The following IGF2 variants were observed in gnomAD, a reference collection of about 807,000 sequenced individuals.
IGF2 encodes insulin like growth factor 2, also known as insulin-like growth factor 2.
Under a neutral mutation model 12.0 loss-of-function variants are expected in IGF2, and 2 were observed. That is an observed-to-expected ratio of 0.17 (90% CI 0.07 to 0.52). IGF2 has a LOEUF of 0.52. Ranked by LOEUF, IGF2 falls within the 20% of genes least tolerant of loss-of-function variation. The pLI is 0.95. For synonymous variants in IGF2, 105 were observed against 110.1 expected (o/e 0.95, Z 0.29); for missense variants, 211 against 268.0 (o/e 0.79, Z 1.48).
intron 1 of IGF2, 25 bp downstream of exon 1, chr11:2,138,204 G>A (rs1403058439): frequency 1.1e-5 from 11 of 983,948 alleles, no homozygotes; most frequent in East Asian, 1.1e-4. Context: ...CCCCGGCCCC[G>A]GCCCGGCCCG....
At chr11:2,149,137 T>A in the IGF2 span, 3 of 1,613,228 alleles carry the variant, frequency 1.9e-6, no homozygotes, top group African/African-American at 4.0e-5. Flanking sequence ...TGTACTCTAG[T>A]CCCTGCGCAG....
At chr11:2,145,754 G>A (rs1442527213), upstream of IGF2, among the ~76,000 whole-genome samples, 11 of 152,234 alleles carry the variant, frequency 7.2e-5, no homozygotes, top group East Asian at 1.9e-3. Context: ...TCCCTCGTGG[G>A]GCTGCCTGCT....
the IGF2 span, chr11:2,149,354 A>G: frequency 6.2e-7 from 1 of 1,607,784 alleles, no homozygotes; most frequent in Non-Finnish European, 8.5e-7. Flanking sequence ...GGCTGGAGAA[A>G]CGAAGGGCAC....
upstream of IGF2, chr11:2,140,213 C>G: frequency 1.9e-6 from 3 of 1,613,380 alleles, no homozygotes; most frequent in Non-Finnish European, 2.5e-6. Flanking sequence ...TAATGGTTAC[C>G]CCGTCCTCAG....
At chr11:2,148,742 CTT>C in the IGF2 span, 1 of 221,600 alleles carries the variant, frequency 4.5e-6, no homozygotes, top group East Asian at 1.1e-4. This position sits in a 1 kb window ranked among gnomAD's most constrained non-coding sequence, Gnocchi z 4.3. Flanking sequence ...CGGGAGGAAA[CTT>C]TTCACACAGA....
upstream of IGF2, among the ~76,000 whole-genome samples, chr11:2,143,031 C>T (rs1325049140): frequency 6.6e-6 from 1 of 152,172 alleles, no homozygotes; most frequent in Non-Finnish European, 1.5e-5. Flanking sequence ...AGCTTTGTGA[C>T]TCACACACCC....
chr11:2,136,465 C>G (rs1326151110), intron 1 of IGF2, among the ~76,000 whole-genome samples: 1 of 152,248 alleles, frequency 6.6e-6, no homozygotes, highest in Non-Finnish European at 1.5e-5. Flanking sequence ...GACACACCCC[C>G]TCCACAGGCT....
the IGF2 span, chr11:2,147,597 G>A: frequency 8.1e-7 from 1 of 1,234,772 alleles, no homozygotes; most frequent in Non-Finnish European, 1.0e-6. The surrounding 1 kb of genome is among the most constrained non-coding windows in gnomAD (Gnocchi z 7.2). Context: ...CTGAGGCTGG[G>A]GCTGGCTGCC....
chr11:2,145,735 T>C (rs1859883760), upstream of IGF2, among the ~76,000 whole-genome samples: 1 of 152,090 alleles, frequency 6.6e-6, no homozygotes, highest in Admixed American at 6.5e-5. Flanking sequence ...GGTGCACACA[T>C]GTTCCCCCTC....
rs1216615656 is a variant in IGF2, at chr11:2,130,529, G to T, written c.*2458C>A. 2 of 148,844 alleles carry T rather than the reference G, an allele frequency of 1.3e-5. No homozygotes were observed. Among genetic ancestry groups the T allele is most frequent in the African/African-American group, 5.7e-5 (1 of 17,698 alleles). 9.2% of individuals were successfully genotyped at this position (148,844 alleles called of 1,614,324 possible). A position where few individuals can be genotyped will look rare whatever the true frequency, so the allele number is the denominator to read the frequency against. ...TTTTGTCACTGCCCCCCTGTTACAT[G>T]GGGGGGGGGTTTAATTTGGTTTCTG... is the stretch of plus-strand genomic sequence containing the variant. On this transcript the variant is annotated 3_prime_UTR_variant, in exon 4 of 4. Coordinates refer to ENST00000416167, the MANE Select transcript of IGF2 (RefSeq NM_000612.6).
At chr11:2,144,088 A>ATTTTTT (rs5789244), upstream of IGF2, among the ~76,000 whole-genome samples, 1 of 150,568 alleles carries the variant, frequency 6.6e-6, no homozygotes, top group Non-Finnish European at 1.5e-5. Flanking sequence ...TTTTGCTTTT[A>ATTTTTT]TTTTTTTTTT....
At chr11:2,143,234 G>A (rs1430978556), upstream of IGF2, among the ~76,000 whole-genome samples, 4 of 151,986 alleles carry the variant, frequency 2.6e-5, no homozygotes, top group Non-Finnish European at 1.5e-5. Flanking sequence ...GCCCTGCTGA[G>A]TGTCATGAGG....
intron 2 of IGF2, 68 bp downstream of exon 2, chr11:2,135,299 G>T: frequency 7.2e-7 from 1 of 1,397,030 alleles, no homozygotes; most frequent in Admixed American, 2.5e-5. Context: ...CTGGCTTGAG[G>T]TTGGGCGTCC....
chr11:2,135,302 G>T, intron 2 of IGF2, 65 bp downstream of exon 2: 1 of 1,401,664 alleles, frequency 7.1e-7, no homozygotes, highest in Non-Finnish European at 9.6e-7. Context: ...GCTTGAGGTT[G>T]GGCGTCCTCA....
Position 2,131,236 on chromosome 11 carries a change from C to G in IGF2, c.*1751G>C. On this transcript the variant is annotated 3_prime_UTR_variant, in exon 4 of 4. Coordinates refer to ENST00000416167, the MANE Select transcript of IGF2 (RefSeq NM_000612.6). ...AATGCCGCCGGCCGCACACTCAGGC[C>G]GCACCATCTGAGCCCCCTCCTCTGA... The G allele has an allele frequency of 4.3e-6, 1 of 233,302 alleles. No homozygotes were observed. Among genetic ancestry groups the G allele is most frequent in the Non-Finnish European group, 8.5e-6 (1 of 118,064 alleles). 14.5% of individuals were successfully genotyped at this position (233,302 alleles called of 1,614,324 possible).
chr11:2,131,067 G>A lies in IGF2; in HGVS notation c.*1920C>T, dbSNP rs969206996. 5 of 232,408 alleles carry A rather than the reference G, an allele frequency of 2.2e-5. No homozygotes were observed. The highest frequency in any genetic ancestry group is 1.1e-4 in the African/African-American group (5 of 45,222). 14.4% of individuals were successfully genotyped at this position (232,408 alleles called of 1,614,324 possible). A position where few individuals can be genotyped will look rare whatever the true frequency, so the allele number is the denominator to read the frequency against. ...AAGTAAGGTGTATCGGGAATGGGTGGGGTATGGGGAGCATCGTGGCTCACG... is the reference window on the plus strand; with the variant it reads ...AAGTAAGGTGTATCGGGAATGGGTGAGGTATGGGGAGCATCGTGGCTCACG... On this transcript the variant is annotated 3_prime_UTR_variant, in exon 4 of 4. Transcript: ENST00000416167.
chr11:2,140,258 G>C (rs80080270), upstream of IGF2: 10,556 of 1,612,884 alleles, frequency 6.5e-3, 594 homozygotes, highest in African/African-American at 0.12. Flanking sequence ...GTTCGGTCTC[G>C]GGGGCCACCA....
chr11:2,136,397 T>C (rs1478401900), intron 1 of IGF2, among the ~76,000 whole-genome samples: 1 of 152,212 alleles, frequency 6.6e-6, no homozygotes, highest in African/African-American at 2.4e-5. Flanking sequence ...TCAGGCCACC[T>C]GGGAAGTCCG....
upstream of IGF2, among the ~76,000 whole-genome samples, chr11:2,145,234 C>A (rs887802505): frequency 6.6e-6 from 1 of 152,336 alleles, no homozygotes; most frequent in East Asian, 1.9e-4. Context: ...GAAGGGGGAG[C>A]CTCCAGCAGA....
Sources: allele counts gnomAD v4.1 joint callset (sites outside exome capture counted in the v4.1 genomes callset), GRCh38; gene constraint gnomAD v4.1.1; non-coding constraint Gnocchi (gnomAD v3.1); transcripts MANE v1.5; gene names NCBI Gene and HGNC (gene_info 2026-07-23, HGNC 2026-07-21).